The following DPP6 variants were observed in gnomAD, a reference collection of about 807,000 sequenced individuals.
DPP6 encodes A-type potassium channel modulatory protein DPP6.
In DPP6, 69 loss-of-function variants were observed where a neutral mutation model predicts 122.6. The ratio of observed to expected loss-of-function variants is 0.56; its 90% CI spans 0.46 to 0.69. The LOEUF is 0.69. Among genes scored for constraint, DPP6 ranks in the 30% least tolerant of loss-of-function variants. DPP6 has a pLI of 0.00. For synonymous variants in DPP6, 418 were observed against 433.1 expected (o/e 0.97, Z 0.43); for missense variants, 928 against 1,116.9 (o/e 0.83, Z 2.41).
chr7:154,671,016 C>G (rs571847076), intron 7 of DPP6, among the ~76,000 whole-genome samples: 2 of 152,128 alleles, frequency 1.3e-5, no homozygotes, highest in African/African-American at 4.8e-5. Flanking sequence ...TGACCTTGAC[C>G]GAGGAACACC....
At position 154,403,321 on chromosome 7, in the gene DPP6, C is replaced by T. The variant is rs990919277; in HGVS notation, c.244-42893C>T. Among the ~76,000 whole-genome samples the T allele has an allele frequency of 2.6e-5, 4 of 152,168 alleles. No homozygotes were observed. The highest frequency in any genetic ancestry group is 9.7e-5 in the African/African-American group (4 of 41,430). ...TGCGGGGGAATCAGGACACCGCCCA[C>T]CGCTGTCCAAATGCCAAGTGGCGAT... On this transcript the variant is annotated intron_variant, in intron 1 of 25. Transcript: ENST00000377770. The surrounding 1 kb of genome is among the most constrained non-coding windows in gnomAD (Gnocchi z 4.1).
At chr7:154,139,097 A>G (rs1795718742) in intron 1 of DPP6, among the ~76,000 whole-genome samples, 1 of 151,820 alleles carries the variant, frequency 6.6e-6, no homozygotes, top group Admixed American at 6.6e-5. Flanking sequence ...AACAGAACCA[A>G]TAGAAGGTAG....
intron 1 of DPP6, among the ~76,000 whole-genome samples, chr7:154,213,417 G>C (rs1175453799): frequency 6.6e-6 from 1 of 152,214 alleles, no homozygotes; most frequent in African/African-American, 2.4e-5. Context: ...GTGTTTCCAA[G>C]TTGATGCCTG....
chr7:154,742,989 A>G (rs1842882930), intron 8 of DPP6, among the ~76,000 whole-genome samples: 1 of 152,258 alleles, frequency 6.6e-6, no homozygotes, highest in Non-Finnish European at 1.5e-5. Context: ...TTCAGGGAGC[A>G]TAACGTACCA....
chr7:153,871,427 C>G, the DPP6 span, among the ~76,000 whole-genome samples: 7 of 152,192 alleles, frequency 4.6e-5, no homozygotes, highest in African/African-American at 1.7e-4. Flanking sequence ...AGCGAGGCTC[C>G]GTGGGCATAG....
At chr7:154,143,238 C>T (rs146265841) in intron 1 of DPP6, among the ~76,000 whole-genome samples, 8 of 152,272 alleles carry the variant, frequency 5.3e-5, no homozygotes, top group African/African-American at 1.7e-4. Flanking sequence ...GAGTGTTTTG[C>T]GGATTGCCAG....
chr7:154,885,889 T>A, intron 22 of DPP6, 145 bp downstream of exon 22: 1 of 1,130,974 alleles, frequency 8.8e-7, no homozygotes, highest in Non-Finnish European at 1.2e-6. Flanking sequence ...CTTGGGCTGA[T>A]GGAAGAACCC....
chr7:153,749,804 G>A, the DPP6 span, among the ~76,000 whole-genome samples: 1 of 152,118 alleles, frequency 6.6e-6, no homozygotes. The surrounding 1 kb of genome is among the most constrained non-coding windows in gnomAD (Gnocchi z 4.1). Flanking sequence ...TAGGGAAGCC[G>A]CACAGCAATG....
At chr7:154,377,202 C>T (rs78821624) in intron 1 of DPP6, among the ~76,000 whole-genome samples, 4,298 of 152,044 alleles carry the variant, frequency 0.028, 188 homozygotes, top group African/African-American at 0.097. Context: ...ATTTAAAAAG[C>T]GTGAAATGGG....
intron 8 of DPP6, among the ~76,000 whole-genome samples, chr7:154,768,700 G>C (rs557587852): frequency 6.6e-6 from 1 of 152,274 alleles, no homozygotes; most frequent in East Asian, 1.9e-4. Flanking sequence ...CACTAACCAG[G>C]ACACTGATGG....
intron 3 of DPP6, among the ~76,000 whole-genome samples, chr7:154,510,325 T>C (rs1302632897): frequency 6.6e-6 from 1 of 152,034 alleles, no homozygotes; most frequent in Non-Finnish European, 1.5e-5. Context: ...TTAAGAAAAA[T>C]GTATATACAA....
At chr7:154,418,120 C>T (rs1817179482) in intron 1 of DPP6, among the ~76,000 whole-genome samples, 1 of 152,218 alleles carries the variant, frequency 6.6e-6, no homozygotes, top group Non-Finnish European at 1.5e-5. Flanking sequence ...ACCATCTCCT[C>T]CTCCAGCATG....
At chr7:153,972,661 A>G (rs941984782) in intron 1 of DPP6, among the ~76,000 whole-genome samples, 108 of 151,344 alleles carry the variant, frequency 7.1e-4, no homozygotes, top group African/African-American at 2.6e-3. Flanking sequence ...GACATGTGCT[A>G]TGTTCAGAAT....
intron 1 of DPP6, among the ~76,000 whole-genome samples, chr7:154,201,232 A>G (rs1464864635): frequency 6.6e-6 from 1 of 151,814 alleles, no homozygotes; most frequent in Non-Finnish European, 1.5e-5. Flanking sequence ...GATTCAAGAA[A>G]TTTTCCTGCC....
In DPP6 at chr7:154,807,000, C is replaced by G; in HGVS notation, c.1554C>G (p.Asn518Lys). 6.2e-7 allele frequency: 1 copy of G among 1,613,830 alleles called. No individual in the cohort carries two copies. Among genetic ancestry groups the G allele is most frequent in the South Asian group, 1.1e-5 (1 of 91,068 alleles). The part of the protein sequence containing the change: ...LPRRRQLYSA[N>K]TVGNFNRQCL... ...GCGTCCTTTGCTCTTCCAGTGCCAA[C>G]ACGGTGGGCAACTTCAACAGGCAGT... The change falls in exon 16 of 26, where the codon AAC becomes AAG. Residue 518 changes from asparagine (N) to lysine (K), a missense_variant. Asn to Lys is a moderately conservative substitution (Grantham distance 94). Transcript: ENST00000377770.
At chr7:153,997,046 T>G (rs1441357080) in intron 1 of DPP6, among the ~76,000 whole-genome samples, 2 of 152,150 alleles carry the variant, frequency 1.3e-5, no homozygotes, top group Non-Finnish European at 1.5e-5. Flanking sequence ...TCTCTCTCTC[T>G]CTCTCCATCC....
intron 1 of DPP6, among the ~76,000 whole-genome samples, chr7:154,014,397 G>A (rs1170917209): frequency 6.7e-6 from 1 of 149,422 alleles, no homozygotes; most frequent in Non-Finnish European, 1.5e-5. Context: ...GCTCATGCCT[G>A]TAATCCCAGC....
chr7:154,519,500 C>A (rs1381854639), intron 3 of DPP6, among the ~76,000 whole-genome samples: 3 of 152,252 alleles, frequency 2.0e-5, no homozygotes, highest in African/African-American at 4.8e-5. Context: ...GGCACTTTGA[C>A]ACTCACAGAC....
chr7:153,791,146 G>T, the DPP6 span, among the ~76,000 whole-genome samples: 1 of 152,136 alleles, frequency 6.6e-6, no homozygotes, highest in East Asian at 1.9e-4. Context: ...TTGTTGCCGT[G>T]TATTTTTGTT....
Sources: gnomAD v4.1 joint callset for allele counts (sites outside exome capture counted in the v4.1 genomes callset) on GRCh38, gnomAD v4.1.1 for gene constraint, Gnocchi (gnomAD v3.1) non-coding constraint, MANE v1.5 for transcripts, NCBI Gene and HGNC (gene_info 2026-07-23, HGNC 2026-07-21) for gene names.